The following ADGRG6 variants were observed in gnomAD, a reference collection of about 807,000 sequenced individuals.
ADGRG6 encodes the protein adhesion G protein-coupled receptor G6.
ADGRG6 carries 84 observed loss-of-function variants against 142.4 expected under a neutral mutation model. The ratio of observed to expected loss-of-function variants is 0.59; its 90% CI spans 0.49 to 0.71. The LOEUF (loss-of-function observed/expected upper bound fraction) is 0.71, where lower values mean the gene tolerates loss of function less well. Ranked by LOEUF, ADGRG6 falls within the 30% of genes least tolerant of loss-of-function variation. ADGRG6 has a pLI of 0.00. For synonymous variants in ADGRG6, 521 were observed against 520.5 expected (o/e 1.00, Z -0.01); for missense variants, 1,367 against 1,466.6 (o/e 0.93, Z 1.11).
In ADGRG6 at chr6:142,420,075, A is replaced by C; in HGVS notation, c.3290A>C (p.Tyr1097Ser). ...GGACCCTTAAATATCCCCTTCATGTACCTCTTCTCCATCTTCAATTCATTA... is the reference window on the plus strand; with the variant it reads ...GGACCCTTAAATATCCCCTTCATGTCCCTCTTCTCCATCTTCAATTCATTA... ...AWGPLNIPFMYLFSIFNSLQG... is the reference protein window; with the variant it reads ...AWGPLNIPFMSLFSIFNSLQG... Residue 1097 changes from tyrosine (Y) to serine (S), a missense_variant, in exon 22 of 25, where the codon TAC (tyrosine) becomes TCC (serine). By Grantham distance (144) the Tyr-to-Ser change is moderately radical (BLOSUM62 -2). Coordinates refer to ENST00000367609, the MANE Select transcript of ADGRG6 (RefSeq NM_198569.3). 1 of 1,612,446 alleles carries C rather than the reference A, an allele frequency of 6.2e-7. No homozygotes were observed. The highest frequency in any genetic ancestry group is 8.5e-7 in the Non-Finnish European group (1 of 1,178,796).
In ADGRG6 at chr6:142,408,204, G is replaced by A; in HGVS notation, c.2323G>A (p.Gly775Arg). 6.3e-7 allele frequency: 1 copy of A among 1,588,004 alleles called. No individual in the cohort carries two copies. Among genetic ancestry groups the A allele is most frequent in the Non-Finnish European group, 8.6e-7 (1 of 1,163,696 alleles). The change falls in exon 16 of 25, where the codon GGA becomes AGA. Residue 775 changes from glycine (G) to arginine (R), a missense_variant. By Grantham distance (125) the Gly-to-Arg change is moderately radical. Around this residue, in one of 3 missense-constraint regions of ADGRG6, gnomAD observed 286 missense variants for 371.4 expected, o/e 0.77. Coordinates refer to ENST00000367609, the MANE Select transcript of ADGRG6 (RefSeq NM_198569.3). ...LVSYVMACSIGNITIQNLKDP... is the reference protein window; with the variant it reads ...LVSYVMACSIRNITIQNLKDP... Reference sequence around the variant, plus strand: ...GAGTTATGTGATGGCGTGCAGTATTGGAAACATTACTATCCAGAATCTGAA... The same window carrying A: ...GAGTTATGTGATGGCGTGCAGTATTAGAAACATTACTATCCAGAATCTGAA...
intron 3 of ADGRG6, among the ~76,000 whole-genome samples, chr6:142,368,389 C>T (rs1050239903): frequency 6.6e-6 from 1 of 152,070 alleles, no homozygotes; most frequent in Non-Finnish European, 1.5e-5. Context: ...GAGGAAAGCC[C>T]TCTGAAAATG....
Position 142,309,589 on chromosome 6 carries a change from G to A in ADGRG6, c.48G>A (p.Lys16=). Residue 16 remains lysine, a synonymous_variant, in exon 2 of 25, where the codon AAG becomes AAA. Transcript: ENST00000367609. ...TGTGGAGCTGCCATTGGAAATGGAA[G>A]CCCAGTCCTCTCCTGTTCTTATTTG... ...DRMWSCHWKW[K]PSPLLFLFAL... 6.2e-7 allele frequency: 1 copy of A among 1,609,608 alleles called. No homozygotes were observed. Among genetic ancestry groups the A allele is most frequent in the Non-Finnish European group, 8.5e-7 (1 of 1,177,546 alleles).
At chr6:142,438,745 C>T (rs1194642715) in intron 24 of ADGRG6, among the ~76,000 whole-genome samples, 1 of 152,024 alleles carries the variant, frequency 6.6e-6, no homozygotes, top group Non-Finnish European at 1.5e-5. Flanking sequence ...GTCTTGGGAA[C>T]AGGAAGAAAC....
intron 2 of ADGRG6, among the ~76,000 whole-genome samples, chr6:142,328,540 G>T (rs1778892069): frequency 1.3e-5 from 2 of 152,262 alleles, no homozygotes; most frequent in Admixed American, 1.3e-4. Flanking sequence ...CATCTTGATA[G>T]CCAGGAGTCA....
chr6:142,310,151 A>T, intron 2 of ADGRG6, among the ~76,000 whole-genome samples: 1 of 151,862 alleles, frequency 6.6e-6, no homozygotes, highest in East Asian at 1.9e-4. Flanking sequence ...AGTTAATTTT[A>T]ATTACAGCAT....
At chr6:142,317,938 T>TTATATATATTTATATTATATATTTATATA (rs1778213612) in intron 2 of ADGRG6, among the ~76,000 whole-genome samples, 2 of 70,822 alleles carry the variant, frequency 2.8e-5, no homozygotes, top group Admixed American at 5.2e-4. Context: ...TATTTATATA[T>TTATATATATTTATATTATATATTTATATA]TATATATATT....
rs570057237 is a variant in ADGRG6 at position 142,444,553 on chromosome 6, T to C, written c.*1038T>C. ...AGTGAGACATATGGGTGAGTCATAA[T>C]AATCAAAATAATTTATGAAGAGCTG... On this transcript the variant is annotated 3_prime_UTR_variant, in exon 25 of 25. Transcript: ENST00000367609. 3 of 152,298 alleles carry C rather than the reference T, an allele frequency of 2.0e-5. No individual in the cohort carries two copies. The highest frequency in any genetic ancestry group is 2.9e-5 in the Non-Finnish European group (2 of 68,028). The allele number at this position is 152,298 out of a possible 1,614,324, so 9.4% of individuals were successfully genotyped here. A position where few individuals can be genotyped will look rare whatever the true frequency, so the allele number is the denominator to read the frequency against.
chr6:142,400,584 C>T lies in ADGRG6; in HGVS notation c.1667C>T (p.Ala556Val). The T allele has an allele frequency of 1.3e-6, 2 of 1,556,180 alleles. No homozygotes were observed. The highest frequency in any genetic ancestry group is 1.8e-6 in the Non-Finnish European group (2 of 1,128,142). The change falls in exon 11 of 25, where the codon GCT becomes GTT. Residue 556 changes from alanine (A) to valine (V), a missense_variant. This residue lies in a region of ADGRG6 where 737 missense variants were observed against 746.5 expected (regional missense o/e 0.99). Transcript: ENST00000367609. Reference sequence around the variant, plus strand: ...TGTCCAGACAAGCCTGGCTTTTCTGCTTCTCGGATATGGTAATATTTTCAC... The same window carrying T: ...TGTCCAGACAAGCCTGGCTTTTCTGTTTCTCGGATATGGTAATATTTTCAC... The part of the protein sequence containing the change: ...LPCPDKPGFS[A>V]SRICFYNATN...
chr6:142,330,416 C>A (rs781029651), intron 2 of ADGRG6, among the ~76,000 whole-genome samples: 8 of 152,006 alleles, frequency 5.3e-5, no homozygotes, highest in Non-Finnish European at 1.2e-4. Flanking sequence ...TTATTCTCAG[C>A]CAAACAAGCT....
At chr6:142,311,346 A>G (rs1777759899) in intron 2 of ADGRG6, among the ~76,000 whole-genome samples, 1 of 151,936 alleles carries the variant, frequency 6.6e-6, no homozygotes, top group Non-Finnish European at 1.5e-5. Context: ...AGGCCAGAAC[A>G]TTTTGTATTA....
chr6:142,339,975 A>G (rs1779533750), intron 2 of ADGRG6, among the ~76,000 whole-genome samples: 1 of 152,156 alleles, frequency 6.6e-6, no homozygotes, highest in Admixed American at 6.5e-5. Context: ...CGGCTGATAA[A>G]CTGGCAAAAA....
chr6:142,386,622 G>A (rs985337315), intron 6 of ADGRG6, among the ~76,000 whole-genome samples: 3 of 152,168 alleles, frequency 2.0e-5, no homozygotes, highest in Non-Finnish European at 4.4e-5. Context: ...GGGGTTTGCC[G>A]AGTGCTTTCA....
intron 24 of ADGRG6, chr6:142,440,931 T>C: frequency 6.7e-7 from 1 of 1,498,758 alleles, no homozygotes; most frequent in Non-Finnish European, 9.0e-7. Flanking sequence ...TGAGCATTCC[T>C]TCAACAAAAG....
At position 142,380,771 on chromosome 6, in the gene ADGRG6, C is replaced by T. The variant is rs145917102; in HGVS notation, c.1070-1180C>T. ...TCCTCCTTTGGGCCACTGCCACCTT[C>T]GGAGCACTTCCCTAATAGCACTTAG... On this transcript the variant is annotated intron_variant, in intron 4 of 24. Coordinates refer to ENST00000367609, the MANE Select transcript of ADGRG6 (RefSeq NM_198569.3). Among the ~76,000 whole-genome samples, 903 of 152,306 alleles carry T rather than the reference C, an allele frequency of 5.9e-3. 7 individuals are homozygous for T. Among genetic ancestry groups the T allele is most frequent in the African/African-American group, 0.014 (592 of 41,556 alleles).
At chr6:142,344,880 T>C (rs551586074) in intron 2 of ADGRG6, among the ~76,000 whole-genome samples, 2 of 152,090 alleles carry the variant, frequency 1.3e-5, no homozygotes, top group South Asian at 4.1e-4. Context: ...ACTACAGGGA[T>C]ATTTGAAAAA....
intron 24 of ADGRG6, among the ~76,000 whole-genome samples, chr6:142,441,834 G>A (rs1777769059): frequency 6.6e-6 from 1 of 152,078 alleles, no homozygotes; most frequent in South Asian, 2.1e-4. Flanking sequence ...AATGGGGAGG[G>A]GCCTTTTGTC....
intron 22 of ADGRG6, among the ~76,000 whole-genome samples, chr6:142,425,298 G>T (rs1279179708): frequency 2.6e-5 from 4 of 152,122 alleles, no homozygotes; most frequent in Admixed American, 2.6e-4. Context: ...TCAGTGTTTG[G>T]GGAAAAGTTG....
chr6:142,303,905 A>G (rs1777353178), intron 1 of ADGRG6, among the ~76,000 whole-genome samples: 1 of 152,218 alleles, frequency 6.6e-6, no homozygotes, highest in Admixed American at 6.5e-5. Context: ...TGATTAAAAA[A>G]TCATGTCATT....
Sources: gnomAD v4.1 joint callset for allele counts (sites outside exome capture counted in the v4.1 genomes callset) on GRCh38, gnomAD v4.1.1 for gene constraint, gnomAD v4.1.1 regional missense constraint, MANE v1.5 for transcripts, NCBI Gene and HGNC (gene_info 2026-07-23, HGNC 2026-07-21) for gene names.